Variants in GLCE observed in about 807,000 individuals in gnomAD.
GLCE encodes the protein D-glucuronyl C5-epimerase.
In GLCE, 19 loss-of-function variants were observed where a neutral mutation model predicts 47.9. The ratio of observed to expected loss-of-function variants is 0.40; its 90% CI spans 0.28 to 0.58. GLCE has a LOEUF of 0.58. Among genes scored for constraint, GLCE ranks in the 20% least tolerant of loss-of-function variants. The pLI, the probability that GLCE is intolerant of heterozygous loss-of-function variation, is 0.48. For synonymous variants in GLCE, 245 were observed against 263.4 expected (o/e 0.93, Z 0.68); for missense variants, 556 against 743.3 (o/e 0.75, Z 2.93).
At chr15:69,222,419 C>T (rs888778529) in intron 2 of GLCE, among the ~76,000 whole-genome samples, 1 of 152,094 alleles carries the variant, frequency 6.6e-6, no homozygotes, top group Non-Finnish European at 1.5e-5. Flanking sequence ...AGGGACTATG[C>T]GAGGGGCTGG....
At chr15:69,226,353 T>C (rs1003192345) in intron 2 of GLCE, among the ~76,000 whole-genome samples, 19 of 152,214 alleles carry the variant, frequency 1.2e-4, no homozygotes, top group Non-Finnish European at 2.5e-4. Flanking sequence ...AAATAGACAC[T>C]GACAAAGGAA....
intron 2 of GLCE, among the ~76,000 whole-genome samples, chr15:69,252,663 T>A (rs1281214764): frequency 6.6e-6 from 1 of 152,112 alleles, no homozygotes; most frequent in African/African-American, 2.4e-5. Context: ...GAAGGGCACT[T>A]CTCAAAGATA....
At chr15:69,256,429 A>G in intron 3 of GLCE, 37 bp downstream of exon 3, 2 of 1,362,836 alleles carry the variant, frequency 1.5e-6, no homozygotes, top group African/African-American at 1.4e-5. Context: ...TTTTTCAAGC[A>G]TGATTGTGTT....
In GLCE at chr15:69,268,523, A is replaced by G. The variant is rs1451413819; in HGVS notation, c.1133A>G (p.Lys378Arg). Residue 378 changes from lysine (K) to arginine (R), a missense_variant, in exon 5 of 5, where the codon AAG becomes AGG. Lys to Arg is a conservative substitution (Grantham distance 26). Around this residue, in one of 3 missense-constraint regions of GLCE, gnomAD observed 245 missense variants for 368.1 expected, o/e 0.67. Transcript: ENST00000261858. ...KAVKPTKIMP[K>R]KVVRLIAKGK... ...GTCAAGCCAACCAAAATAATGCCCA[A>G]GAAGGTGGTTAGGTTGATTGCAAAA... The G allele has an allele frequency of 1.2e-6, 2 of 1,614,208 alleles. No individual in the cohort carries two copies. Among genetic ancestry groups the G allele is most frequent in the Non-Finnish European group, 1.7e-6 (2 of 1,180,034 alleles).
chr15:69,168,565 C>T (rs1383332979), intron 1 of GLCE, among the ~76,000 whole-genome samples: 2 of 147,994 alleles, frequency 1.4e-5, no homozygotes, highest in African/African-American at 5.0e-5. Flanking sequence ...CGGAGTTTCG[C>T]TTCTGTTGCG....
At position 69,271,616 on chromosome 15, in the gene GLCE, T is replaced by C. The variant is rs2053168086; in HGVS notation, c.*2372T>C. On this transcript the variant is annotated 3_prime_UTR_variant, in exon 5 of 5. Coordinates refer to ENST00000261858, the MANE Select transcript of GLCE (RefSeq NM_015554.3). The stretch of plus-strand genomic sequence containing the variant: ...AGGGTATTTTTAAATTTTATTGTTT[T>C]ATTTCTTTAAGTTTTTCTTTGCTTT... The C allele has an allele frequency of 6.6e-6, 1 of 152,626 alleles. No homozygotes were observed. The highest frequency in any genetic ancestry group is 1.5e-5 in the Non-Finnish European group (1 of 68,038). 9.5% of individuals were successfully genotyped at this position (152,626 alleles called of 1,614,324 possible). A position where few individuals can be genotyped will look rare whatever the true frequency, so the allele number is the denominator to read the frequency against.
intron 1 of GLCE, among the ~76,000 whole-genome samples, chr15:69,170,432 G>A (rs1470567310): frequency 6.6e-6 from 1 of 152,062 alleles, no homozygotes; most frequent in Non-Finnish European, 1.5e-5. Context: ...AGAAACAGTT[G>A]TCCCAGAGGC....
At chr15:69,216,028 T>A (rs2052302316) in intron 2 of GLCE, among the ~76,000 whole-genome samples, 1 of 152,194 alleles carries the variant, frequency 6.6e-6, no homozygotes. Context: ...TTTTCATATA[T>A]GAGTTTTGGT....
At chr15:69,197,292 G>T in intron 1 of GLCE, 1 of 302,868 alleles carries the variant, frequency 3.3e-6, no homozygotes, top group South Asian at 3.3e-5. Flanking sequence ...ACTTTTTGCA[G>T]GGAAGATGTT....
At chr15:69,168,723 G>C (rs1368053484) in intron 1 of GLCE, among the ~76,000 whole-genome samples, 1 of 152,016 alleles carries the variant, frequency 6.6e-6, no homozygotes, top group African/African-American at 2.4e-5. Flanking sequence ...GTAGAGATGG[G>C]ATTTCTCCAT....
intron 1 of GLCE, among the ~76,000 whole-genome samples, chr15:69,203,054 G>T (rs561823695): frequency 1.5e-4 from 23 of 152,238 alleles, no homozygotes; most frequent in African/African-American, 5.3e-4. Flanking sequence ...GAAAGTAGTA[G>T]CTACTTTTAT....
chr15:69,245,536 A>G (rs1466866587), intron 2 of GLCE, among the ~76,000 whole-genome samples: 4 of 152,108 alleles, frequency 2.6e-5, no homozygotes, highest in Non-Finnish European at 5.9e-5. Flanking sequence ...AAATAAGACA[A>G]CGATGAAGTT....
intron 1 of GLCE, chr15:69,197,343 C>T (rs373611414): frequency 1.1e-4 from 27 of 241,362 alleles, no homozygotes; most frequent in East Asian, 4.0e-4. Flanking sequence ...AAGAGTTTAT[C>T]GAATCCCAGA....
intron 1 of GLCE, among the ~76,000 whole-genome samples, chr15:69,190,998 A>G (rs1470472363): frequency 6.6e-6 from 1 of 152,182 alleles, no homozygotes; most frequent in East Asian, 1.9e-4. Flanking sequence ...GTTCCTACAC[A>G]TTATATTATA....
intron 1 of GLCE, among the ~76,000 whole-genome samples, chr15:69,205,165 C>T (rs774895567): frequency 6.6e-6 from 1 of 151,862 alleles, no homozygotes; most frequent in Non-Finnish European, 1.5e-5. Flanking sequence ...TGTGCTCCCC[C>T]CCACCCCTCA....
At chr15:69,199,270 A>G (rs763645498) in intron 1 of GLCE, among the ~76,000 whole-genome samples, 1 of 152,180 alleles carries the variant, frequency 6.6e-6, no homozygotes, top group Non-Finnish European at 1.5e-5. Flanking sequence ...CATGCAGTAT[A>G]TTTTAATAGG....
intron 2 of GLCE, among the ~76,000 whole-genome samples, chr15:69,247,257 C>T (rs898101523): frequency 6.6e-6 from 1 of 152,232 alleles, no homozygotes; most frequent in African/African-American, 2.4e-5. Context: ...TTCTGAATAA[C>T]TTGCTGTAGC....
At chr15:69,221,672 G>T (rs771831138) in intron 2 of GLCE, among the ~76,000 whole-genome samples, 24 of 151,852 alleles carry the variant, frequency 1.6e-4, no homozygotes, top group African/African-American at 5.6e-4. Flanking sequence ...AGACCAGCCC[G>T]GCCATCATGA....
rs557181986 is a variant in GLCE at position 69,260,852 on chromosome 15, T to G, written c.587-235T>G. The G allele has an allele frequency of 4.5e-5, 21 of 464,420 alleles. 1 individual carries two copies. In the South Asian group the frequency reaches 5.2e-4, roughly 11 times the overall value. 28.8% of individuals were successfully genotyped at this position (464,420 alleles called of 1,614,324 possible). A position where few individuals can be genotyped will look rare whatever the true frequency, so the allele number is the denominator to read the frequency against. On this transcript the variant is annotated intron_variant, in intron 3 of 4. Transcript: ENST00000261858. ...AGTCCTTAAAAGGTAATTTATAGCG[T>G]TGCACTATTTGTTAACAAATAATGA...
Sources: allele counts gnomAD v4.1 joint callset (sites outside exome capture counted in the v4.1 genomes callset), GRCh38; gene constraint gnomAD v4.1.1; regional missense constraint gnomAD v4.1.1; transcripts MANE v1.5; gene names NCBI Gene and HGNC (gene_info 2026-07-23, HGNC 2026-07-21).